AGBL1: variants seen among roughly 807,000 people sequenced by gnomAD.
AGBL1 encodes AGBL carboxypeptidase 1.
AGBL1 carries 130 observed loss-of-function variants against 118.9 expected under a neutral mutation model. The ratio of observed to expected loss-of-function variants is 1.09; its 90% CI spans 0.95 to 1.26. The LOEUF (loss-of-function observed/expected upper bound fraction) is 1.26. Ranked by LOEUF, AGBL1 falls within the 50% of genes most tolerant of loss-of-function variation. The probability of loss-of-function intolerance (pLI) is 0.00; values close to 1 mark genes in which losing one functional copy is unlikely to be tolerated. For synonymous variants in AGBL1, 555 were observed against 478.9 expected (o/e 1.16, Z -2.08); for missense variants, 1,584 against 1,298.1 (o/e 1.22, Z -3.38).
At chr15:86,689,942 C>T (rs764160958) in intron 22 of AGBL1, among the ~76,000 whole-genome samples, 17 of 152,170 alleles carry the variant, frequency 1.1e-4, no homozygotes, top group Non-Finnish European at 2.1e-4. Context: ...GCTTAAGGCT[C>T]TGTGTGCTAA....
At chr15:86,275,326 T>C (rs1211994928) in intron 15 of AGBL1, among the ~76,000 whole-genome samples, 1 of 152,176 alleles carries the variant, frequency 6.6e-6, no homozygotes, top group Non-Finnish European at 1.5e-5. Context: ...CATGCATCCT[T>C]CCATGGGATC....
intron 19 of AGBL1, among the ~76,000 whole-genome samples, chr15:86,528,122 G>C (rs987676848): frequency 1.3e-5 from 2 of 152,220 alleles, no homozygotes; most frequent in African/African-American, 4.8e-5. Flanking sequence ...GGCCGAATAG[G>C]AACAGCTCCG....
At chr15:86,172,104 G>T (rs1459851849) in intron 5 of AGBL1, among the ~76,000 whole-genome samples, 1 of 152,098 alleles carries the variant, frequency 6.6e-6, no homozygotes, top group African/African-American at 2.4e-5. Flanking sequence ...GTGCTCAGGT[G>T]ATGGTGCACC....
intron 5 of AGBL1, among the ~76,000 whole-genome samples, chr15:86,183,529 G>A (rs190944787): frequency 2.4e-4 from 36 of 152,236 alleles, no homozygotes; most frequent in Non-Finnish European, 4.7e-4. Flanking sequence ...AGCATGATGA[G>A]TTTTTTCCTC....
chr15:86,224,760 C>A (rs532989315), intron 5 of AGBL1, among the ~76,000 whole-genome samples, 154 bp from the exon 6 acceptor site: 1 of 152,110 alleles, frequency 6.6e-6, no homozygotes, highest in Admixed American at 6.5e-5. Context: ...ATTTATGCCT[C>A]TTTAATGGTC....
chr15:86,798,567 G>A (rs1474589650), intron 22 of AGBL1, among the ~76,000 whole-genome samples: 1 of 151,824 alleles, frequency 6.6e-6, no homozygotes, highest in African/African-American at 2.4e-5. Flanking sequence ...CAATGAACTA[G>A]ACACTTTACC....
intron 22 of AGBL1, among the ~76,000 whole-genome samples, chr15:86,764,223 C>T (rs1311538234): frequency 6.6e-6 from 1 of 151,868 alleles, no homozygotes; most frequent in African/African-American, 2.4e-5. Flanking sequence ...GATTGAAGGG[C>T]AGGGGAGATA....
chr15:86,686,630 G>A (rs1306983599), intron 22 of AGBL1, among the ~76,000 whole-genome samples: 1 of 151,830 alleles, frequency 6.6e-6, no homozygotes, highest in East Asian at 1.9e-4. Context: ...GTAGATACAA[G>A]GTTTCACCAT....
intron 16 of AGBL1, among the ~76,000 whole-genome samples, chr15:86,288,454 A>C (rs1216186646): frequency 6.6e-6 from 1 of 151,748 alleles, no homozygotes; most frequent in East Asian, 1.9e-4. Flanking sequence ...TAACCTATGA[A>C]TTTTTTTCCA....
chr15:86,275,758 T>C (rs1440197022), intron 15 of AGBL1, among the ~76,000 whole-genome samples: 1 of 152,202 alleles, frequency 6.6e-6, no homozygotes, highest in African/African-American at 2.4e-5. Context: ...TGACCCCAGA[T>C]GACCAATAGG....
intron 22 of AGBL1, among the ~76,000 whole-genome samples, chr15:86,796,720 C>G (rs72750041): frequency 6.6e-6 from 1 of 152,232 alleles, no homozygotes; most frequent in African/African-American, 2.4e-5. Flanking sequence ...TAGCTACACC[C>G]ATCTATTTAC....
rs1281273322 is a variant in AGBL1, at chr15:86,679,563, G to C, written c.3158+5127G>C. ...TGCTTACTTCTTTTTCTTATCTTAT[G>C]ATCTGGGCTAGAGTTTTGAGACTAA... On this transcript the variant is annotated intron_variant, in intron 22 of 22. Coordinates refer to ENST00000614907, the MANE Select transcript of AGBL1 (RefSeq NM_001386094.1). Among the ~76,000 whole-genome samples the C allele has an allele frequency of 2.6e-5, 4 of 151,938 alleles. No individual in the cohort carries two copies. The South Asian group carries it at 6.2e-4, about 24-fold the overall frequency.
intron 5 of AGBL1, among the ~76,000 whole-genome samples, chr15:86,196,879 G>GCGCGCGCGCACACACACACACACA (rs756313941): frequency 1.7e-5 from 2 of 116,960 alleles, no homozygotes; most frequent in African/African-American, 7.2e-5. Context: ...GCGCGCGCGC[G>GCGCGCGCGCACACACACACACACA]CACACACACA....
At chr15:86,828,982 T>C (rs898405064) in intron 22 of AGBL1, among the ~76,000 whole-genome samples, 3 of 148,554 alleles carry the variant, frequency 2.0e-5, no homozygotes, top group Admixed American at 6.8e-5. Context: ...ATATATATAG[T>C]ATGTATATAA....
At chr15:87,023,568 C>G (rs954279630) in intron 24 of AGBL1, among the ~76,000 whole-genome samples, 4 of 152,018 alleles carry the variant, frequency 2.6e-5, no homozygotes, top group Non-Finnish European at 5.9e-5. Flanking sequence ...CATCACTAGA[C>G]AGGTCATCAA....
chr15:86,663,861 CAG>C (rs1380303196), intron 21 of AGBL1, among the ~76,000 whole-genome samples: 4 of 152,058 alleles, frequency 2.6e-5, no homozygotes, highest in African/African-American at 7.2e-5. Flanking sequence ...CCGAAAAAAA[CAG>C]AGTTTGGCTT....
intron 22 of AGBL1, among the ~76,000 whole-genome samples, chr15:86,676,930 G>A (rs965051167): frequency 2.0e-5 from 3 of 152,010 alleles, no homozygotes; most frequent in Non-Finnish European, 4.4e-5. Flanking sequence ...GTAAAACCCC[G>A]TCTTGAACCT....
chr15:86,471,359 A>G (rs1213900538), intron 18 of AGBL1, among the ~76,000 whole-genome samples: 1 of 152,184 alleles, frequency 6.6e-6, no homozygotes, highest in African/African-American at 2.4e-5. Context: ...ATTGATTTGT[A>G]TATGATGAAC....
In AGBL1 at chr15:86,548,661, ACG is replaced by A. The variant is rs200540594; in HGVS notation, c.2817+2530_2817+2531del. Among the ~76,000 whole-genome samples the A allele has an allele frequency of 9.4e-3, 999 of 105,962 alleles. 9 individuals carry two copies. Among genetic ancestry groups the A allele is most frequent in the Admixed American group, 0.018 (203 of 11,334 alleles). The allele number at this position is 105,962 out of a possible 152,430, so 69.5% of individuals were successfully genotyped here. A position where few individuals can be genotyped will look rare whatever the true frequency, so the allele number is the denominator to read the frequency against. On this transcript the variant is annotated intron_variant, in intron 20 of 22. Coordinates refer to ENST00000614907, the MANE Select transcript of AGBL1 (RefSeq NM_001386094.1). ...AGGATAGCCACACACACACACATGC[ACG>A]CACACACACACACACACACACACAC...
Sources: gnomAD v4.1 joint callset for allele counts (sites outside exome capture counted in the v4.1 genomes callset) on GRCh38, gnomAD v4.1.1 for gene constraint, MANE v1.5 for transcripts, NCBI Gene and HGNC (gene_info 2026-07-23, HGNC 2026-07-21) for gene names.